Variants in CEP44 observed in about 807,000 individuals in gnomAD.
CEP44 encodes centrosomal protein of 44 kDa.
Under a neutral mutation model 46.7 loss-of-function variants are expected in CEP44, and 45 were observed. The observed-to-expected ratio is 0.96, with a 90% CI of 0.76 to 1.24. The LOEUF is 1.24. Among genes scored for constraint, CEP44 ranks in the 50% most tolerant of loss-of-function variants. The pLI is 0.00. For missense variants in CEP44, 475 were observed against 459.7 expected (o/e 1.03, Z -0.30); for synonymous variants, 142 against 146.0 (o/e 0.97, Z 0.20).
In CEP44 at chr4:174,319,261, C is replaced by T. The variant is rs551093732; in HGVS notation, c.*1878C>T. ...AATTTTTTCAATTGTGAGAGAAGTA[C>T]ATTTATAAAAATTAAGAGGTTAAGA... On this transcript the variant is annotated 3_prime_UTR_variant, in exon 12 of 12. Transcript: ENST00000503780. The T allele has an allele frequency of 3.3e-5, 32 of 968,840 alleles. 1 individual carries two copies. The South Asian group carries it at 1.4e-3, about 42-fold the overall frequency. 60.0% of individuals were successfully genotyped at this position (968,840 alleles called of 1,614,324 possible).
Position 174,319,506 on chromosome 4 carries a change from A to G in CEP44, c.*2123A>G. On this transcript the variant is annotated 3_prime_UTR_variant, in exon 12 of 12. Coordinates refer to ENST00000503780, the MANE Select transcript of CEP44 (RefSeq NM_001040157.3). The stretch of plus-strand genomic sequence containing the variant: ...GTTTTCTTATGGAAGATAGAAAAAA[A>G]GTTAAGTCTCTTTCTACCCTTTCTT... The G allele has an allele frequency of 1.1e-6, 1 of 916,826 alleles. No individual in the cohort carries two copies. Among genetic ancestry groups the G allele is most frequent in the Non-Finnish European group, 1.3e-6 (1 of 767,618 alleles). 56.8% of individuals were successfully genotyped at this position (916,826 alleles called of 1,614,324 possible).
chr4:174,327,659 T>TA (rs769372748), intron 8 of CEP44, among the ~76,000 whole-genome samples: 18 of 152,148 alleles, frequency 1.2e-4, no homozygotes, highest in Non-Finnish European at 2.5e-4. Flanking sequence ...ATATGATGTA[T>TA]GACAAATACT....
chr4:174,284,799 T>G (rs952875028), intron 1 of CEP44, among the ~76,000 whole-genome samples: 1 of 152,254 alleles, frequency 6.6e-6, no homozygotes, highest in Non-Finnish European at 1.5e-5. Context: ...TTTCATAAAC[T>G]GTTTTTCTCA....
chr4:174,327,342 TC>T (rs1742744328), intron 8 of CEP44, among the ~76,000 whole-genome samples: 1 of 151,810 alleles, frequency 6.6e-6, no homozygotes, highest in East Asian at 1.9e-4. Context: ...AGACATACCA[TC>T]TTCGTGTTAG....
At chr4:174,299,035 G>C (rs1356410528) in intron 2 of CEP44, 37 bp from the exon 3 acceptor site, 7 of 1,160,016 alleles carry the variant, frequency 6.0e-6, no homozygotes, top group Non-Finnish European at 8.7e-6. Context: ...CAAAAATACA[G>C]AGACTTAACC....
chr4:174,300,021 C>T (rs1739531131), intron 3 of CEP44, among the ~76,000 whole-genome samples: 1 of 151,994 alleles, frequency 6.6e-6, no homozygotes, highest in Non-Finnish European at 1.5e-5. Context: ...TGGAATCCCC[C>T]CATCTAGAAT....
chr4:174,324,671 C>T (rs1457913593), downstream of CEP44, among the ~76,000 whole-genome samples: 1 of 152,052 alleles, frequency 6.6e-6, no homozygotes, highest in Admixed American at 6.6e-5. Context: ...ACCAGAGGAT[C>T]CCCTCCTCAC....
chr4:174,297,552 T>C lies in CEP44; in HGVS notation c.-147-414T>C, dbSNP rs1311598620. On this transcript the variant is annotated intron_variant, in intron 1 of 11. Coordinates refer to ENST00000503780, the MANE Select transcript of CEP44 (RefSeq NM_001040157.3). The surrounding 1 kb of genome is among the most constrained non-coding windows in gnomAD (Gnocchi z 4.3). ...GAAATGTGATACTTTTTTCTCTAGG[T>C]CCATCCACCTTCTCTAGCATAGAAC... Among the ~76,000 whole-genome samples, 1 of 152,128 alleles carries C rather than the reference T, an allele frequency of 6.6e-6. No individual in the cohort carries two copies. Among genetic ancestry groups the C allele is most frequent in the Non-Finnish European group, 1.5e-5 (1 of 68,030 alleles).
chr4:174,309,424 A>T lies in CEP44; in HGVS notation c.679-426A>T, dbSNP rs189001945. ...AGTTGGCACTTACAAAAACTACCAG[A>T]TGGCCATTGGACCTACTTCCTGTTA... On this transcript the variant is annotated intron_variant, in intron 7 of 11. Coordinates refer to ENST00000503780, the MANE Select transcript of CEP44 (RefSeq NM_001040157.3). This position sits in a 1 kb window ranked among gnomAD's most constrained non-coding sequence, Gnocchi z 5.3. 3.0e-4 allele frequency among the ~76,000 whole-genome samples: 45 copies of T among 152,172 alleles called. No individual in the cohort carries two copies. The South Asian group carries it at 3.5e-3, about 12-fold the overall frequency.
At chr4:174,298,245 G>A (rs896809599) in intron 2 of CEP44, among the ~76,000 whole-genome samples, 183 bp downstream of exon 2, 5 of 131,058 alleles carry the variant, frequency 3.8e-5, no homozygotes, top group African/African-American at 1.2e-4. Context: ...GCGGGATCTC[G>A]GCTCACTGCA....
chr4:174,304,266 A>G lies in CEP44; in HGVS notation c.404A>G (p.Lys135Arg), dbSNP rs780733688. ...TTTTAGATTCCATCACAACAAAGAA[A>G]GAAAATCAGTTCTGGTAAGTCAGAA... ...SLQKIPSQQR[K>R]KISSGKSEPP... The change falls in exon 6 of 12, where the codon AAG becomes AGG. Residue 135 changes from lysine (K) to arginine (R), a missense_variant. Physicochemically the swap from Lys to Arg is conservative, Grantham distance 26 (BLOSUM62 2). Coordinates refer to ENST00000503780, the MANE Select transcript of CEP44 (RefSeq NM_001040157.3). 1.3e-6 allele frequency: 2 copies of G among 1,597,514 alleles called. No homozygotes were observed. The highest frequency in any genetic ancestry group is 1.7e-6 in the Non-Finnish European group (2 of 1,175,846).
In CEP44 at chr4:174,295,860, G is replaced by A. The variant is rs180758622; in HGVS notation, c.-147-2106G>A. Among the ~76,000 whole-genome samples, 306 of 152,322 alleles carry A rather than the reference G, an allele frequency of 2.0e-3. 3 individuals are homozygous for A. The highest frequency in any genetic ancestry group is 0.014 in the South Asian group (69 of 4,826). ...AGGTATTTTTCCAATTAAGTTGAGG[G>A]ACTTTCCCTCTATTCCTAGTTTGCT... On this transcript the variant is annotated intron_variant, in intron 1 of 11. Transcript: ENST00000503780.
intron 8 of CEP44, among the ~76,000 whole-genome samples, chr4:174,327,893 A>G (rs1731066484): frequency 6.6e-6 from 1 of 152,152 alleles, no homozygotes; most frequent in African/African-American, 2.4e-5. Flanking sequence ...CATTTTGAAA[A>G]CTTTTCAGGT....
chr4:174,325,261 C>T (rs1392634492), downstream of CEP44, among the ~76,000 whole-genome samples: 2 of 152,028 alleles, frequency 1.3e-5, no homozygotes, highest in Non-Finnish European at 1.5e-5. The surrounding 1 kb of genome is among the most constrained non-coding windows in gnomAD (Gnocchi z 4.4). Flanking sequence ...AAGATTTTCC[C>T]CCACTCTGTG....
downstream of CEP44, among the ~76,000 whole-genome samples, chr4:174,325,072 T>C (rs1205745511): frequency 6.6e-6 from 1 of 152,204 alleles, no homozygotes; most frequent in Non-Finnish European, 1.5e-5. The surrounding 1 kb of genome is among the most constrained non-coding windows in gnomAD (Gnocchi z 4.4). Context: ...TAAAACAGTG[T>C]GTAATGGTCT....
chr4:174,300,415 G>T (rs1306748363), intron 3 of CEP44, among the ~76,000 whole-genome samples: 1 of 152,026 alleles, frequency 6.6e-6, no homozygotes, highest in Non-Finnish European at 1.5e-5. Context: ...ACTTGCAGGG[G>T]TTTAACCAGT....
rs368023588 is a variant in CEP44 at position 174,316,256 on chromosome 4, C to G, written c.1052C>G (p.Thr351Ser). The G allele has an allele frequency of 1.1e-4, 180 of 1,611,080 alleles. No individual in the cohort carries two copies. The highest frequency in any genetic ancestry group is 1.5e-4 in the Non-Finnish European group (174 of 1,177,402). Residue 351 changes from threonine (T) to serine (S), a missense_variant, in exon 10 of 12, where the codon ACT becomes AGT. By Grantham distance (58) the Thr-to-Ser change is moderately conservative (BLOSUM62 1). Transcript: ENST00000503780. Reference sequence around the variant, plus strand: ...TCAGATTCAACTCCCAGAGCCTCTACTGTTAATTACTGTGGTTTGAATGAG... The same window carrying G: ...TCAGATTCAACTCCCAGAGCCTCTAGTGTTAATTACTGTGGTTTGAATGAG... ...ASSDSTPRAS[T>S]VNYCGLNEIS...
chr4:174,318,576 A>C lies in CEP44; in HGVS notation c.*1193A>C, dbSNP rs1046702. 42,334 of 815,806 alleles carry C rather than the reference A, an allele frequency of 0.052. 1,351 individuals carry two copies. Among genetic ancestry groups the C allele is most frequent in the South Asian group, 0.18 (3,099 of 17,022 alleles). The allele number at this position is 815,806 out of a possible 1,614,324, so 50.5% of individuals were successfully genotyped here. A position where few individuals can be genotyped will look rare whatever the true frequency, so the allele number is the denominator to read the frequency against. ...CCAGTAATCAGAAAATCCTCAAGAA[A>C]ATTGACTTCATTATTTGGAAGGAAA... On this transcript the variant is annotated 3_prime_UTR_variant, in exon 12 of 12. Coordinates refer to ENST00000503780, the MANE Select transcript of CEP44 (RefSeq NM_001040157.3).
intron 9 of CEP44, among the ~76,000 whole-genome samples, chr4:174,313,327 C>T (rs2126650083): frequency 6.6e-6 from 1 of 150,648 alleles, no homozygotes; most frequent in African/African-American, 2.4e-5. Context: ...GTTAGTGCTC[C>T]TTTTTTATTT....
Sources: allele counts gnomAD v4.1 joint callset (sites outside exome capture counted in the v4.1 genomes callset), GRCh38; gene constraint gnomAD v4.1.1; non-coding constraint Gnocchi (gnomAD v3.1); transcripts MANE v1.5; gene names NCBI Gene and HGNC (gene_info 2026-07-23, HGNC 2026-07-21).